Variants in CNTN1 observed in about 807,000 individuals in gnomAD.
CNTN1 encodes the protein contactin-1.
CNTN1 carries 38 observed loss-of-function variants against 126.4 expected under a neutral mutation model. That is an observed-to-expected ratio of 0.30 (90% CI 0.23 to 0.39). The LOEUF is 0.39. CNTN1 is among the 10% of genes least tolerant of loss of function. The pLI, the probability that CNTN1 is intolerant of heterozygous loss-of-function variation, is 1.00. For synonymous variants in CNTN1, 413 were observed against 422.6 expected (o/e 0.98, Z 0.28); for missense variants, 1,009 against 1,248.4 (o/e 0.81, Z 2.89).
intron 3 of CNTN1, among the ~76,000 whole-genome samples, chr12:40,915,648 T>A (rs1945203394): frequency 6.6e-6 from 1 of 151,006 alleles, no homozygotes; most frequent in African/African-American, 2.5e-5. Context: ...AGGAAAACTC[T>A]TAACCCTGAA....
chr12:40,975,953 A>G (rs1947659245), intron 15 of CNTN1, among the ~76,000 whole-genome samples: 1 of 152,204 alleles, frequency 6.6e-6, no homozygotes, highest in Non-Finnish European at 1.5e-5. Flanking sequence ...GGGATATGAT[A>G]TATGAGCGTA....
In CNTN1 at chr12:40,830,757, C is replaced by A. The variant is rs1352885654; in HGVS notation, c.-76-77600C>A. Among the ~76,000 whole-genome samples the A allele has an allele frequency of 4.7e-5, 6 of 126,562 alleles. No homozygotes were observed. The South Asian group carries it at 7.7e-4, about 16-fold the overall frequency. 83.0% of individuals were successfully genotyped at this position (126,562 alleles called of 152,430 possible). A position where few individuals can be genotyped will look rare whatever the true frequency, so the allele number is the denominator to read the frequency against. On this transcript the variant is annotated intron_variant, in intron 1 of 23. Transcript: ENST00000551295. The stretch of plus-strand genomic sequence containing the variant: ...GTAATAAATTGAAGTAGAAATCTCT[C>A]TATATATATTGAGAGAGAGGGAGAA...
intron 5 of CNTN1, among the ~76,000 whole-genome samples, chr12:40,922,670 ACT>A (rs1444322861): frequency 6.6e-6 from 1 of 151,928 alleles, no homozygotes; most frequent in Admixed American, 6.6e-5. Flanking sequence ...ATCTTGAATG[ACT>A]CTTTAAAAGT....
intron 1 of CNTN1, among the ~76,000 whole-genome samples, chr12:40,734,472 C>T (rs552091569): frequency 4.6e-5 from 7 of 152,212 alleles, no homozygotes; most frequent in African/African-American, 1.4e-4. Context: ...TAGGGCACAG[C>T]AGGGCATCGT....
At chr12:40,905,975 G>C (rs1049653670) in intron 1 of CNTN1, among the ~76,000 whole-genome samples, 1 of 152,110 alleles carries the variant, frequency 6.6e-6, no homozygotes, top group Non-Finnish European at 1.5e-5. Context: ...TGATTTTCCT[G>C]TCCTCTAAAA....
chr12:40,976,778 T>C (rs1947686499), intron 15 of CNTN1, among the ~76,000 whole-genome samples: 1 of 152,164 alleles, frequency 6.6e-6, no homozygotes, highest in South Asian at 2.1e-4. Flanking sequence ...TGAGAGACAC[T>C]GCAGGGCTGG....
intron 8 of CNTN1, 27 bp from the exon 9 acceptor site, chr12:40,933,670 T>G (rs200145508): frequency 6.2e-7 from 1 of 1,610,098 alleles, no homozygotes; most frequent in Non-Finnish European, 8.5e-7. Flanking sequence ...TGTGTGAAAC[T>G]TTAACCCTTG....
At chr12:40,839,794 C>T (rs1028411816) in intron 1 of CNTN1, among the ~76,000 whole-genome samples, 2 of 152,148 alleles carry the variant, frequency 1.3e-5, no homozygotes, top group Admixed American at 6.5e-5. Flanking sequence ...AAAAGAACAA[C>T]ATTCACCAGC....
chr12:41,010,384 G>C (rs936381159), intron 17 of CNTN1, among the ~76,000 whole-genome samples: 7 of 152,298 alleles, frequency 4.6e-5, no homozygotes, highest in African/African-American at 1.7e-4. Context: ...GCCCTGACTT[G>C]CTGCACCTAT....
rs144504783 is a variant in CNTN1, at chr12:40,759,208, A to G, written c.-77+66616A>G. Reference sequence around the variant, plus strand: ...CATGAGCCACTGTGCCTGGTCAAGTATTCAGGTTTTATAGCAAAAGTTCCT... The same window carrying G: ...CATGAGCCACTGTGCCTGGTCAAGTGTTCAGGTTTTATAGCAAAAGTTCCT... On this transcript the variant is annotated intron_variant, in intron 1 of 23. Coordinates refer to ENST00000551295, the MANE Select transcript of CNTN1 (RefSeq NM_001843.4). Among the ~76,000 whole-genome samples the G allele has an allele frequency of 3.1e-3, 464 of 152,036 alleles. 2 individuals are homozygous for G. The highest frequency in any genetic ancestry group is 1.0e-2 in the African/African-American group (413 of 41,490).
At chr12:40,807,400 C>T (rs562494565) in intron 1 of CNTN1, among the ~76,000 whole-genome samples, 35 of 152,148 alleles carry the variant, frequency 2.3e-4, no homozygotes, top group African/African-American at 7.2e-4. Context: ...TGATCACCAA[C>T]AGAGCTAACA....
chr12:40,921,242 C>T (rs1199238869), intron 4 of CNTN1, among the ~76,000 whole-genome samples: 3 of 151,320 alleles, frequency 2.0e-5, no homozygotes, highest in Non-Finnish European at 2.9e-5. Flanking sequence ...GTCATTAGGA[C>T]TTTTGGGCAT....
At chr12:40,733,065 C>G (rs1472078718) in intron 1 of CNTN1, among the ~76,000 whole-genome samples, 1 of 151,976 alleles carries the variant, frequency 6.6e-6, no homozygotes, top group South Asian at 2.1e-4. Context: ...AAAAGAGACA[C>G]AGTTCCTGGG....
chr12:40,732,809 C>G (rs1033005517), intron 1 of CNTN1, among the ~76,000 whole-genome samples: 17 of 151,920 alleles, frequency 1.1e-4, no homozygotes, highest in African/African-American at 4.1e-4. Flanking sequence ...TATAAAACTC[C>G]CTAATCCAGT....
chr12:41,038,969 C>G (rs1189770931), intron 23 of CNTN1, among the ~76,000 whole-genome samples: 1 of 151,962 alleles, frequency 6.6e-6, no homozygotes, highest in Non-Finnish European at 1.5e-5. Context: ...CCCACCAGAA[C>G]AGTACGAAAG....
At chr12:40,848,100 G>A (rs1459059278) in intron 1 of CNTN1, among the ~76,000 whole-genome samples, 1 of 152,144 alleles carries the variant, frequency 6.6e-6, no homozygotes, top group African/African-American at 2.4e-5. Context: ...CCACTCGGCA[G>A]CCTGGGGTTT....
rs371794330 is a variant in CNTN1 at position 40,876,386 on chromosome 12, A to C, written c.-76-31971A>C. ...ATGCTTTGAAGAAAATATACCCAAC[A>C]ATTTGTATAGTAAAGTGAATATAGT... On this transcript the variant is annotated intron_variant, in intron 1 of 23. Transcript: ENST00000551295. 1.4e-4 allele frequency among the ~76,000 whole-genome samples: 21 copies of C among 152,232 alleles called. No homozygotes were observed. The East Asian group carries it at 3.3e-3, about 24-fold the overall frequency.
intron 1 of CNTN1, among the ~76,000 whole-genome samples, chr12:40,726,417 A>G (rs1942351935): frequency 6.6e-6 from 1 of 152,158 alleles, no homozygotes; most frequent in South Asian, 2.1e-4. Flanking sequence ...GAAACTTACA[A>G]TCATTGTGGA....
At chr12:40,765,066 T>C (rs1325073757) in intron 1 of CNTN1, among the ~76,000 whole-genome samples, 2 of 151,032 alleles carry the variant, frequency 1.3e-5, no homozygotes, top group African/African-American at 4.8e-5. Flanking sequence ...ATTATATATA[T>C]TAGGTCATAT....
Sources: gnomAD v4.1 joint callset for allele counts (sites outside exome capture counted in the v4.1 genomes callset) on GRCh38, gnomAD v4.1.1 for gene constraint, MANE v1.5 for transcripts, NCBI Gene and HGNC (gene_info 2026-07-23, HGNC 2026-07-21) for gene names.